Variants in NEDD4L observed in about 807,000 individuals in gnomAD.
NEDD4L encodes the protein NEDD4 like E3 ubiquitin protein ligase.
NEDD4L carries 54 observed loss-of-function variants against 148.9 expected under a neutral mutation model. The observed-to-expected ratio is 0.36, with a 90% CI of 0.29 to 0.45. NEDD4L has a LOEUF of 0.45. Ranked by LOEUF, NEDD4L falls within the 20% of genes least tolerant of loss-of-function variation. NEDD4L has a pLI of 1.00. For synonymous variants in NEDD4L, 433 were observed against 440.7 expected, an observed-to-expected ratio of 0.98 and a Z score of 0.22; for missense variants, 856 against 1,233.8, an observed-to-expected ratio of 0.69 and a Z score of 4.59.
chr18:58,160,593 A>T (rs2036079888), intron 1 of NEDD4L, among the ~76,000 whole-genome samples: 1 of 152,240 alleles, frequency 6.6e-6, no homozygotes, highest in African/African-American at 2.4e-5. Flanking sequence ...TACTGGAGTC[A>T]TAAACAGGGT....
chr18:58,277,694 G>A (rs965661557), intron 5 of NEDD4L, among the ~76,000 whole-genome samples: 27 of 151,928 alleles, frequency 1.8e-4, no homozygotes, highest in African/African-American at 5.8e-4. Flanking sequence ...TATTTTTAAC[G>A]TTTACCACCT....
At chr18:58,151,935 T>A (rs1026511194) in intron 1 of NEDD4L, among the ~76,000 whole-genome samples, 2 of 152,060 alleles carry the variant, frequency 1.3e-5, no homozygotes, top group Non-Finnish European at 2.9e-5. Flanking sequence ...AGTATGAGTG[T>A]ATTATTCATA....
intron 1 of NEDD4L, among the ~76,000 whole-genome samples, chr18:58,075,789 G>C (rs905916297): frequency 6.6e-6 from 1 of 151,738 alleles, no homozygotes; most frequent in Non-Finnish European, 1.5e-5. Flanking sequence ...AAATTAGCTG[G>C]TGGTGGTGGT....
chr18:58,224,696 C>G (rs1445258882), intron 2 of NEDD4L, among the ~76,000 whole-genome samples: 2 of 152,170 alleles, frequency 1.3e-5, no homozygotes, highest in Non-Finnish European at 2.9e-5. Context: ...TACTTGAAAA[C>G]AAGTTGTCTT....
chr18:58,296,140 G>T (rs1433380496), intron 5 of NEDD4L, among the ~76,000 whole-genome samples: 1 of 152,152 alleles, frequency 6.6e-6, no homozygotes, highest in Non-Finnish European at 1.5e-5. Context: ...ATTTGAGTTT[G>T]ACCCACAGGT....
intron 5 of NEDD4L, among the ~76,000 whole-genome samples, chr18:58,264,662 G>C (rs190040104): frequency 6.4e-4 from 97 of 152,084 alleles, no homozygotes; most frequent in Non-Finnish European, 5.4e-4. Context: ...TGTGGCATCT[G>C]TGTGTTAAGA....
At position 58,292,179 on chromosome 18, in the gene NEDD4L, G is replaced by A. The variant is rs190422522; in HGVS notation, c.298-23803G>A. ...GTGGGTATCAACCATGGAAGTTCAC[G>A]GAAGATTAAACCGCAAGTTCCCACG... is the stretch of plus-strand genomic sequence containing the variant. On this transcript the variant is annotated intron_variant, in intron 5 of 30. Transcript: ENST00000400345. Among the ~76,000 whole-genome samples, 20 of 152,032 alleles carry A rather than the reference G, an allele frequency of 1.3e-4. No individual in the cohort carries two copies. The East Asian group carries it at 3.9e-3, about 29-fold the overall frequency.
In NEDD4L at chr18:58,160,253, C is replaced by G. The variant is rs115742633; in HGVS notation, c.49-5535C>G. On this transcript the variant is annotated intron_variant, in intron 1 of 30. Coordinates refer to ENST00000400345, the MANE Select transcript of NEDD4L (RefSeq NM_001144967.3). ...GGCTGCTGGATTTCCAGATGACGCT[C>G]TCGCAACTGAACCTTCAGATTACCA... 5.7e-3 allele frequency among the ~76,000 whole-genome samples: 869 copies of G among 152,356 alleles called. 11 individuals carry two copies. The highest frequency in any genetic ancestry group is 0.02 in the African/African-American group (818 of 41,578).
At chr18:58,052,876 G>C (rs930566269) in intron 1 of NEDD4L, among the ~76,000 whole-genome samples, 2 of 152,142 alleles carry the variant, frequency 1.3e-5, no homozygotes, top group African/African-American at 4.8e-5. Context: ...TGAAGCAGGA[G>C]AATCGCTTGA....
In NEDD4L at chr18:58,333,850, C is replaced by G; in HGVS notation, c.1023C>G (p.Cys341Trp). The change falls in exon 12 of 31, where the codon TGC becomes TGG. Residue 341 changes from cysteine (C) to tryptophan (W), a missense_variant. Coordinates refer to ENST00000400345, the MANE Select transcript of NEDD4L (RefSeq NM_001144967.3). ...QREPSSRLRS[C>W]SVTDAVAEQG... The stretch of plus-strand genomic sequence containing the variant: ...AACCCTCCTCAAGGTTGAGGTCATG[C>G]AGTGTCACCGACGCAGTTGCAGAAC... The G allele has an allele frequency of 6.2e-7, 1 of 1,613,780 alleles. No individual in the cohort carries two copies.
intron 30 of NEDD4L, among the ~76,000 whole-genome samples, chr18:58,392,070 C>T (rs932313947): frequency 2.6e-5 from 4 of 152,352 alleles, no homozygotes; most frequent in Non-Finnish European, 5.9e-5. Flanking sequence ...GATGCCCAAG[C>T]GTGGAGCGTG....
chr18:58,046,279 C>T (rs1258723533), intron 1 of NEDD4L: 2 of 152,106 alleles, frequency 1.3e-5, no homozygotes, highest in Non-Finnish European at 2.9e-5. Flanking sequence ...CCTGGCTTCT[C>T]TCTTTGAGGA....
chr18:58,233,393 C>A (rs1471389550), intron 2 of NEDD4L, among the ~76,000 whole-genome samples: 7 of 152,192 alleles, frequency 4.6e-5, no homozygotes, highest in African/African-American at 1.7e-4. Flanking sequence ...AAAGGCACAT[C>A]TTACATGGCG....
At chr18:58,048,763 G>A (rs528361998) in intron 1 of NEDD4L, among the ~76,000 whole-genome samples, 81 of 152,146 alleles carry the variant, frequency 5.3e-4, no homozygotes, top group Admixed American at 1.1e-3. Context: ...GCTTAATTGG[G>A]GCCACATTCT....
At chr18:58,106,720 A>G (rs1234746839) in intron 1 of NEDD4L, among the ~76,000 whole-genome samples, 1 of 152,222 alleles carries the variant, frequency 6.6e-6, no homozygotes, top group Non-Finnish European at 1.5e-5. Context: ...ACAGTACAAT[A>G]ACATTTTTGG....
intron 1 of NEDD4L, among the ~76,000 whole-genome samples, chr18:58,109,724 C>A (rs1211392178): frequency 2.6e-5 from 4 of 152,026 alleles, no homozygotes; most frequent in Non-Finnish European, 5.9e-5. Flanking sequence ...GTGCCCCCCA[C>A]CACACCTGGC....
intron 5 of NEDD4L, among the ~76,000 whole-genome samples, chr18:58,262,150 CTGAA>C (rs2049479400): frequency 6.6e-6 from 1 of 152,064 alleles, no homozygotes; most frequent in South Asian, 2.1e-4. Flanking sequence ...ATGCCCCACT[CTGAA>C]TAAAAAATTA....
chr18:58,356,225 T>C (rs936556678), intron 18 of NEDD4L, among the ~76,000 whole-genome samples: 2 of 152,098 alleles, frequency 1.3e-5, no homozygotes, highest in Non-Finnish European at 2.9e-5. Flanking sequence ...CCCAAAGTAT[T>C]GGGATTACAG....
At chr18:58,252,273 A>C (rs2048027143) in intron 5 of NEDD4L, among the ~76,000 whole-genome samples, 1 of 152,194 alleles carries the variant, frequency 6.6e-6, no homozygotes. Context: ...GTGTATTTTT[A>C]TTGCAGTTAA....
Sources: allele counts gnomAD v4.1 joint callset (sites outside exome capture counted in the v4.1 genomes callset), GRCh38; gene constraint gnomAD v4.1.1; transcripts MANE v1.5; gene names NCBI Gene and HGNC (gene_info 2026-07-23, HGNC 2026-07-21).